PRKCB: variants seen among roughly 807,000 people sequenced by gnomAD.
PRKCB encodes protein kinase C beta type.
Under a neutral mutation model 81.5 loss-of-function variants are expected in PRKCB, and 13 were observed. The ratio of observed to expected loss-of-function variants is 0.16; its 90% CI spans 0.10 to 0.25. The LOEUF is 0.25. PRKCB is among the 10% of genes least tolerant of loss of function. The pLI is 1.00. For synonymous variants in PRKCB, 335 were observed against 321.4 expected (o/e 1.04, Z -0.45); for missense variants, 509 against 875.7 (o/e 0.58, Z 5.29).
At chr16:23,940,131 A>G (rs1964120615) in intron 2 of PRKCB, among the ~76,000 whole-genome samples, 1 of 152,248 alleles carries the variant, frequency 6.6e-6, no homozygotes, top group Non-Finnish European at 1.5e-5. Flanking sequence ...GAAAATGCAA[A>G]TTAAAAGCAC....
At chr16:23,888,934 G>A (rs1276116735) in intron 2 of PRKCB, among the ~76,000 whole-genome samples, 1 of 152,180 alleles carries the variant, frequency 6.6e-6, no homozygotes, top group African/African-American at 2.4e-5. Flanking sequence ...GACATAGCTG[G>A]ATGGCTAAGA....
chr16:24,067,536 C>T (rs141230497), intron 5 of PRKCB, among the ~76,000 whole-genome samples: 1 of 152,270 alleles, frequency 6.6e-6, no homozygotes, highest in East Asian at 1.9e-4. Flanking sequence ...TGAGCTCAAG[C>T]CGTCTGCCCA....
chr16:24,206,958 T>C (rs1160943311), intron 16 of PRKCB, among the ~76,000 whole-genome samples: 4 of 152,202 alleles, frequency 2.6e-5, no homozygotes, highest in Non-Finnish European at 5.9e-5. Flanking sequence ...TGAGACAGGG[T>C]CTCACTCTGT....
chr16:23,882,077 T>C (rs1963131956), intron 2 of PRKCB, among the ~76,000 whole-genome samples: 1 of 37,920 alleles, frequency 2.6e-5, no homozygotes, highest in Non-Finnish European at 4.4e-5. Flanking sequence ...TTTCTTTCTT[T>C]CCTTTTTTTT....
At chr16:23,889,095 C>G (rs1033775828) in intron 2 of PRKCB, among the ~76,000 whole-genome samples, 19 of 151,770 alleles carry the variant, frequency 1.3e-4, no homozygotes, top group Non-Finnish European at 2.8e-4. Flanking sequence ...CCCACTCAGT[C>G]ATCTACACAG....
At chr16:23,968,383 G>A (rs761938472) in intron 2 of PRKCB, among the ~76,000 whole-genome samples, 17 of 152,178 alleles carry the variant, frequency 1.1e-4, no homozygotes, top group Non-Finnish European at 1.5e-4. Context: ...AGCAGGAGGC[G>A]GTTACCGTCT....
Position 24,220,196 on chromosome 16 carries a change from C to A in PRKCB, c.*5380C>A. ...ATCAATTCTAGTCTTCCAGGATTCA[C>A]GGTGCACATGCTGGCATTCAACATG... On this transcript the variant is annotated 3_prime_UTR_variant, in exon 17 of 17. Coordinates refer to ENST00000643927, the MANE Select transcript of PRKCB (RefSeq NM_002738.7). The A allele has an allele frequency of 2.6e-6, 4 of 1,520,392 alleles. No individual in the cohort carries two copies. Among genetic ancestry groups the A allele is most frequent in the Non-Finnish European group, 3.6e-6 (4 of 1,111,424 alleles). The allele number at this position is 1,520,392 out of a possible 1,614,324, so 94.2% of individuals were successfully genotyped here. A position where few individuals can be genotyped will look rare whatever the true frequency, so the allele number is the denominator to read the frequency against.
chr16:24,073,197 G>A (rs535178767), intron 5 of PRKCB, among the ~76,000 whole-genome samples: 22 of 152,288 alleles, frequency 1.4e-4, no homozygotes, highest in African/African-American at 3.9e-4. Context: ...TGGATAAACC[G>A]CTTGCTAAAT....
intron 12 of PRKCB, among the ~76,000 whole-genome samples, chr16:24,180,242 C>T (rs1044264611): frequency 1.3e-5 from 2 of 152,168 alleles, no homozygotes; most frequent in African/African-American, 4.8e-5. Context: ...TGTGCCCTGC[C>T]AAATGTATTT....
intron 5 of PRKCB, among the ~76,000 whole-genome samples, chr16:24,046,456 T>C (rs1965766339): frequency 6.6e-6 from 1 of 152,076 alleles, no homozygotes; most frequent in South Asian, 2.1e-4. Flanking sequence ...ATCAAGGAAA[T>C]AAAATAAAGC....
At chr16:24,112,376 T>C (rs1966686070) in intron 7 of PRKCB, among the ~76,000 whole-genome samples, 1 of 152,132 alleles carries the variant, frequency 6.6e-6, no homozygotes, top group Admixed American at 6.6e-5. Context: ...AAAAAAATTT[T>C]TTTTTGTTTA....
At chr16:23,982,306 T>C (rs1257638760) in intron 2 of PRKCB, among the ~76,000 whole-genome samples, 33 of 59,936 alleles carry the variant, frequency 5.5e-4, no homozygotes, top group African/African-American at 7.4e-4. Flanking sequence ...TTCCCTTCCC[T>C]TTCCCTTCCC....
rs1029440625 is a variant in PRKCB, at chr16:24,216,841, C to T, written c.*2025C>T. 9.1e-6 allele frequency: 9 copies of T among 985,304 alleles called. No individual in the cohort carries two copies. Among genetic ancestry groups the T allele is most frequent in the African/African-American group, 1.7e-5 (1 of 57,202 alleles). The allele number at this position is 985,304 out of a possible 1,614,324, so 61.0% of individuals were successfully genotyped here. A position where few individuals can be genotyped will look rare whatever the true frequency, so the allele number is the denominator to read the frequency against. On this transcript the variant is annotated 3_prime_UTR_variant, in exon 17 of 17. Coordinates refer to ENST00000643927, the MANE Select transcript of PRKCB (RefSeq NM_002738.7). ...ATCTGGAAAGAGGAAGGAATTTGCC[C>T]AAAGTCAGTCAGCTGGGATAAAAAC...
At chr16:23,868,599 G>T (rs533209617) in intron 2 of PRKCB, among the ~76,000 whole-genome samples, 1 of 152,214 alleles carries the variant, frequency 6.6e-6, no homozygotes, top group Non-Finnish European at 1.5e-5. Flanking sequence ...AAATGGCAGA[G>T]CCATGATTTA....
At chr16:24,180,729 G>A in intron 12 of PRKCB, 61 bp from the exon 13 acceptor site, 13 of 1,574,860 alleles carry the variant, frequency 8.3e-6, no homozygotes, top group Non-Finnish European at 1.1e-5. Flanking sequence ...ATGAGTGGCT[G>A]TTGGTTGGCT....
chr16:24,064,027 A>G (rs941000059), intron 5 of PRKCB, among the ~76,000 whole-genome samples: 14 of 152,168 alleles, frequency 9.2e-5, no homozygotes, highest in Admixed American at 8.5e-4. Flanking sequence ...GTTTTTGTAC[A>G]GTAACCCTCC....
chr16:24,208,145 G>A (rs1968076763), intron 16 of PRKCB: 1 of 152,342 alleles, frequency 6.6e-6, no homozygotes, highest in Non-Finnish European at 1.5e-5. Context: ...GTGGTGTGCA[G>A]CTGTGGTCCC....
At chr16:24,212,440 C>CTCCTCCTGT (rs1567414752) in intron 16 of PRKCB, among the ~76,000 whole-genome samples, 1 of 132,712 alleles carries the variant, frequency 7.5e-6, no homozygotes, top group African/African-American at 2.7e-5. Context: ...CAAGACCTCT[C>CTCCTCCTGT]TCCTCCTGTG....
chr16:23,869,022 G>A (rs938856326), intron 2 of PRKCB: 3 of 427,388 alleles, frequency 7.0e-6, no homozygotes, highest in Admixed American at 2.4e-5. Flanking sequence ...TCCCTGTGGT[G>A]GATTGTGTTG....
Sources: allele counts gnomAD v4.1 joint callset (sites outside exome capture counted in the v4.1 genomes callset), GRCh38; gene constraint gnomAD v4.1.1; transcripts MANE v1.5; gene names NCBI Gene and HGNC (gene_info 2026-07-23, HGNC 2026-07-21).